ERMN: variants seen among roughly 807,000 people sequenced by gnomAD.
ERMN encodes the protein ermin.
ERMN carries 17 observed loss-of-function variants against 21.4 expected under a neutral mutation model. The ratio of observed to expected loss-of-function variants is 0.80; its 90% CI spans 0.54 to 1.19. The LOEUF is 1.19. ERMN is among the 50% of genes most tolerant of loss of function. The pLI is 0.00. For synonymous variants in ERMN, 115 were observed against 111.9 expected (o/e 1.03, Z -0.17); for missense variants, 348 against 331.6 (o/e 1.05, Z -0.38).
chr2:157,321,935 G>T, intron 2 of ERMN, 144 bp from the exon 3 acceptor site: 1 of 735,990 alleles, frequency 1.4e-6, no homozygotes, highest in Non-Finnish European at 2.1e-6. Flanking sequence ...TTACCAATAT[G>T]TTTTGCACAA....
chr2:157,325,428 G>A lies in ERMN; in HGVS notation c.215C>T (p.Ser72Leu). The change falls in exon 1 of 3, where the codon TCA (serine) becomes TTA (leucine). Residue 72 changes from serine (S) to leucine (L), a missense_variant. Ser to Leu is a moderately radical substitution (Grantham distance 145, BLOSUM62 -2). Transcript: ENST00000410096. ...RKLQGNMLLN[S>L]SMEDKMLKEN... ...TTTTAGCATTTTGTCCTCCATGGAT[G>A]AGTTGAGCAGCATGTTCCCTTGTAA... 2 of 1,614,130 alleles carry A rather than the reference G, an allele frequency of 1.2e-6. No homozygotes were observed. Among genetic ancestry groups the A allele is most frequent in the Admixed American group, 1.7e-5 (1 of 60,030 alleles).
Position 157,325,685 on chromosome 2 carries a change from A to G in ERMN, c.-43T>C. On this transcript the variant is annotated 5_prime_UTR_variant, in exon 1 of 3. Coordinates refer to ENST00000410096, the MANE Select transcript of ERMN (RefSeq NM_020711.3). ...GATCTGGAGAGAGAGCTTTAGGGAA[A>G]CTGAGTGAGTAGATCCTTGATAAGA... The G allele has an allele frequency of 6.2e-7, 1 of 1,612,966 alleles. No individual in the cohort carries two copies. Among genetic ancestry groups the G allele is most frequent in the Non-Finnish European group, 8.5e-7 (1 of 1,178,992 alleles).
chr2:157,320,690 G>A lies in ERMN; in HGVS notation c.*581C>T, dbSNP rs1414412005. The A allele has an allele frequency of 6.6e-6, 1 of 152,374 alleles. No individual in the cohort carries two copies. Among genetic ancestry groups the A allele is most frequent in the Non-Finnish European group, 1.5e-5 (1 of 68,186 alleles). The allele number at this position is 152,374 out of a possible 1,614,324, so 9.4% of individuals were successfully genotyped here. On this transcript the variant is annotated 3_prime_UTR_variant, in exon 3 of 3. Transcript: ENST00000410096. ...CCTCTGAGAGAAGATTCAGTGAATG[G>A]TAACACCTAGGAAGGAGGGCTATAG... is the stretch of plus-strand genomic sequence containing the variant.
chr2:157,326,484 C>T (rs368385294), upstream of ERMN, among the ~76,000 whole-genome samples: 2 of 152,286 alleles, frequency 1.3e-5, no homozygotes, highest in East Asian at 1.9e-4. Flanking sequence ...ATAAAATTAT[C>T]GCCATGAAGG....
chr2:157,327,498 G>A (rs1345188530), upstream of ERMN: 9 of 779,732 alleles, frequency 1.2e-5, no homozygotes, highest in Non-Finnish European at 1.2e-5. Flanking sequence ...TCTGAGGTAG[G>A]TGCTGTTGTT....
rs1461013237 is a variant in ERMN, at chr2:157,321,602, T to C, written c.524A>G (p.His175Arg). The C allele has an allele frequency of 1.1e-5, 17 of 1,614,020 alleles. No homozygotes were observed. Among genetic ancestry groups the C allele is most frequent in the Non-Finnish European group, 1.4e-5 (17 of 1,179,992 alleles). The change falls in exon 3 of 3, where the codon CAT becomes CGT. Residue 175 changes from histidine (H) to arginine (R), a missense_variant. Transcript: ENST00000410096. ...PSQADMLHSK[H>R]DEEQKVWDEE... is the part of the protein sequence containing the mutation. ...ATCCCAAACCTTCTGCTCCTCATCATGTTTAGAATGTAACATGTCAGCTTG... is the reference window on the plus strand; with the variant it reads ...ATCCCAAACCTTCTGCTCCTCATCACGTTTAGAATGTAACATGTCAGCTTG...
chr2:157,325,151 T>C (rs1045329617), intron 1 of ERMN: 2 of 624,896 alleles, frequency 3.2e-6, no homozygotes, highest in Non-Finnish European at 6.1e-6. Flanking sequence ...TAGTTATTAT[T>C]ATTATTCCGC....
rs1683786476 is a variant in ERMN, at chr2:157,318,777, T to C, written c.*2494A>G. 6.6e-6 allele frequency: 1 copy of C among 152,134 alleles called. No homozygotes were observed. The highest frequency in any genetic ancestry group is 2.4e-5 in the African/African-American group (1 of 41,436). The allele number at this position is 152,134 out of a possible 1,614,324, so 9.4% of individuals were successfully genotyped here. A position where few individuals can be genotyped will look rare whatever the true frequency, so the allele number is the denominator to read the frequency against. On this transcript the variant is annotated 3_prime_UTR_variant, in exon 3 of 3. Transcript: ENST00000410096. ...TTATATTGGCAGAGAAATAGAGCTA[T>C]TATTAGTTTCTATTTATCTAGCAAC...
upstream of ERMN, chr2:157,325,918 G>C: frequency 7.4e-7 from 1 of 1,358,624 alleles, no homozygotes; most frequent in East Asian, 2.7e-5. Flanking sequence ...CAGTTCCCTG[G>C]CAGAGTTAAA....
Position 157,319,369 on chromosome 2 carries a change from A to G in ERMN, c.*1902T>C, listed in dbSNP as rs929359429. On this transcript the variant is annotated 3_prime_UTR_variant, in exon 3 of 3. Transcript: ENST00000410096. ...AGAGGTACTTGCTTTGCCGTGCCAC[A>G]TAACCATAGGTCACCCACCTCTAGT... 6.6e-6 allele frequency: 1 copy of G among 152,182 alleles called. No individual in the cohort carries two copies. The highest frequency in any genetic ancestry group is 2.1e-4 in the South Asian group (1 of 4,834). The allele number at this position is 152,182 out of a possible 1,614,324, so 9.4% of individuals were successfully genotyped here.
At position 157,321,107 on chromosome 2, in the gene ERMN, A is replaced by C. The variant is rs1683879463; in HGVS notation, c.*164T>G. On this transcript the variant is annotated 3_prime_UTR_variant, in exon 3 of 3. Coordinates refer to ENST00000410096, the MANE Select transcript of ERMN (RefSeq NM_020711.3). ...TTTTGATTTGAGGTTATCAGACTGA[A>C]TTTTTATCTAGGGTTATTTCCACAT... 1 of 1,102,876 alleles carries C rather than the reference A, an allele frequency of 9.1e-7. No homozygotes were observed. The highest frequency in any genetic ancestry group is 1.6e-5 in the African/African-American group (1 of 63,410). 68.3% of individuals were successfully genotyped at this position (1,102,876 alleles called of 1,614,324 possible).
Position 157,325,699 on chromosome 2 carries a change from T to A in ERMN, c.-57A>T, listed in dbSNP as rs1242032713. 1 of 1,610,486 alleles carries A rather than the reference T, an allele frequency of 6.2e-7. No individual in the cohort carries two copies. The highest frequency in any genetic ancestry group is 1.7e-5 in the Admixed American group (1 of 59,966). On this transcript the variant is annotated 5_prime_UTR_variant, in exon 1 of 3. Transcript: ENST00000410096. ...GCTTTAGGGAAACTGAGTGAGTAGA[T>A]CCTTGATAAGATACCTGCTCTTGCC...
intron 2 of ERMN, among the ~76,000 whole-genome samples, chr2:157,323,396 A>G (rs1045554765): frequency 6.6e-6 from 1 of 152,236 alleles, no homozygotes; most frequent in African/African-American, 2.4e-5. Flanking sequence ...TGGTAATGTG[A>G]CAGCTTGACA....
At chr2:157,325,104 A>G (rs915208754) in intron 1 of ERMN, 1 of 541,588 alleles carries the variant, frequency 1.8e-6, no homozygotes, top group East Asian at 4.6e-5. Context: ...TAATAAATAC[A>G]GTAGTTAACA....
At chr2:157,325,339 A>G in intron 1 of ERMN, 63 bp downstream of exon 1, 2 of 1,607,064 alleles carry the variant, frequency 1.2e-6, no homozygotes, top group Non-Finnish European at 1.7e-6. Context: ...TAGTTTATCA[A>G]AAAAATCCAG....
At chr2:157,323,961 G>A (rs928557414) in intron 2 of ERMN, among the ~76,000 whole-genome samples, 1 of 152,068 alleles carries the variant, frequency 6.6e-6, no homozygotes, top group Non-Finnish European at 1.5e-5. Context: ...ACTTTAAACT[G>A]TATGTTGGCC....
Position 157,325,384 on chromosome 2 carries a change from A to C in ERMN, c.241+18T>G. On this transcript the variant is annotated intron_variant, in intron 1 of 2. Coordinates refer to ENST00000410096, the MANE Select transcript of ERMN (RefSeq NM_020711.3). Reference sequence around the variant, plus strand: ...ATAAGTCAAAACAAGAAAATTAAGGAGAAGGGAAACACTTTACCTTTTAGC... The same window carrying C: ...ATAAGTCAAAACAAGAAAATTAAGGCGAAGGGAAACACTTTACCTTTTAGC... 1 of 1,611,212 alleles carries C rather than the reference A, an allele frequency of 6.2e-7. No homozygotes were observed. Among genetic ancestry groups the C allele is most frequent in the Non-Finnish European group, 8.5e-7 (1 of 1,177,840 alleles).
Position 157,321,611 on chromosome 2 carries a change from T to C in ERMN, c.515A>G (p.His172Arg), listed in dbSNP as rs1398715389. 2 of 1,614,170 alleles carry C rather than the reference T, an allele frequency of 1.2e-6. No homozygotes were observed. The highest frequency in any genetic ancestry group is 1.7e-5 in the Admixed American group (1 of 60,016). Residue 172 changes from histidine to arginine, a missense_variant, in exon 3 of 3, where the codon CAT (histidine) becomes CGT (arginine). Coordinates refer to ENST00000410096, the MANE Select transcript of ERMN (RefSeq NM_020711.3). Reference protein sequence around the residue: ...FRKPSQADMLHSKHDEEQKVW... With the variant: ...FRKPSQADMLRSKHDEEQKVW... ...CTTCTGCTCCTCATCATGTTTAGAA[T>C]GTAACATGTCAGCTTGGCTAGGTTT...
intron 2 of ERMN, among the ~76,000 whole-genome samples, chr2:157,323,959 C>T (rs957094342): frequency 2.0e-5 from 3 of 152,088 alleles, no homozygotes; most frequent in African/African-American, 7.2e-5. Context: ...TTACTTTAAA[C>T]TGTATGTTGG....
Sources: gnomAD v4.1 joint callset for allele counts (sites outside exome capture counted in the v4.1 genomes callset) on GRCh38, gnomAD v4.1.1 for gene constraint, MANE v1.5 for transcripts, NCBI Gene and HGNC (gene_info 2026-07-23, HGNC 2026-07-21) for gene names.